Variants in HMCN2 observed in about 807,000 individuals in gnomAD.
The protein encoded by HMCN2 is hemicentin-2.
Under a neutral mutation model 377.5 loss-of-function variants are expected in HMCN2, and 325 were observed. That is an observed-to-expected ratio of 0.86 (90% CI 0.79 to 0.94). The LOEUF is 0.94. Among genes scored for constraint, HMCN2 ranks in the 40% least tolerant of loss-of-function variants. The pLI is 0.00. For missense variants in HMCN2, 4,543 were observed against 4,725.3 expected (o/e 0.96, Z 1.13); for synonymous variants, 2,007 against 2,046.8 (o/e 0.98, Z 0.53).
chr9:130,390,754 G>C (rs996439858), intron 62 of HMCN2, among the ~76,000 whole-genome samples: 13 of 152,158 alleles, frequency 8.5e-5, no homozygotes, highest in African/African-American at 2.7e-4. Flanking sequence ...GAGAGGATGG[G>C]AGCTGAGAGC....
chr9:130,355,136 G>A (rs892059242), intron 32 of HMCN2, 92 bp downstream of exon 32: 11 of 1,062,858 alleles, frequency 1.0e-5, no homozygotes, highest in Non-Finnish European at 1.3e-5. Flanking sequence ...TCCTGGAGTG[G>A]AGGGAGGGTG....
chr9:130,412,565 C>CTTT (rs1843481279), intron 85 of HMCN2, among the ~76,000 whole-genome samples: 2 of 43,396 alleles, frequency 4.6e-5, no homozygotes, highest in Admixed American at 3.3e-4. Flanking sequence ...TTCTTTCTTT[C>CTTT]TCTTTTTTTT....
rs769429027 is a variant in HMCN2 at position 130,385,662 on chromosome 9, A to G, written c.9209A>G (p.Glu3070Gly). Residue 3070 changes from glutamate to glycine, a missense_variant, in exon 60 of 98, where the codon GAG (glutamate) becomes GGG (glycine). By Grantham distance (98) the Glu-to-Gly change is moderately conservative. Coordinates refer to ENST00000683500, the MANE Select transcript of HMCN2 (RefSeq NM_001291815.2). ...VLSCETDALP[E>G]PTVTWYKDGQ... Reference sequence around the variant, plus strand: ...AGCTGCGAGACAGATGCGCTCCCTGAGCCAACTGTGACCTGGTACAAGGAT... The same window carrying G: ...AGCTGCGAGACAGATGCGCTCCCTGGGCCAACTGTGACCTGGTACAAGGAT... The G allele has an allele frequency of 7.7e-7, 1 of 1,304,158 alleles. No individual in the cohort carries two copies. The highest frequency in any genetic ancestry group is 1.2e-5 in the South Asian group (1 of 81,028). The allele number at this position is 1,304,158 out of a possible 1,614,324, so 80.8% of individuals were successfully genotyped here. A position where few individuals can be genotyped will look rare whatever the true frequency, so the allele number is the denominator to read the frequency against.
chr9:130,357,913 G>T lies in HMCN2; in HGVS notation c.5505G>T (p.Gly1835=), dbSNP rs1267224967. 7.7e-7 allele frequency: 1 copy of T among 1,304,078 alleles called. No homozygotes were observed. Among genetic ancestry groups the T allele is most frequent in the African/African-American group, 1.5e-5 (1 of 65,850 alleles). The allele number at this position is 1,304,078 out of a possible 1,614,324, so 80.8% of individuals were successfully genotyped here. ...AGCCTGTGACCCTCCAGTGCATAGG[G>T]GATGGGGTGCCCACCCCAAGCCTCC... is the stretch of plus-strand genomic sequence containing the variant. ...FLQPVTLQCI[G]DGVPTPSLRW... Residue 1835 remains glycine, a synonymous_variant, in exon 35 of 98, where the codon GGG becomes GGT. Transcript: ENST00000683500.
Position 130,303,519 on chromosome 9 carries a change from G to T in HMCN2, c.1454G>T (p.Arg485Leu). ...GGAAACAGCAGCTGGGAGATCCTGC[G>T]GGCCTCCAAGGCCGAGGAGGGCACG... is the stretch of plus-strand genomic sequence containing the variant. ...ESGNSSWEIL[R>L]ASKAEEGTYE... Residue 485 changes from arginine (R) to leucine (L), a missense_variant, in exon 10 of 98, where the codon CGG (arginine) becomes CTG (leucine). Arg to Leu is a moderately radical substitution (Grantham distance 102). Transcript: ENST00000683500. The surrounding 1 kb of genome is among the most constrained non-coding windows in gnomAD (Gnocchi z 5.2). 2.2e-6 allele frequency: 1 copy of T among 446,948 alleles called. No homozygotes were observed. The highest frequency in any genetic ancestry group is 1.6e-5 in the South Asian group (1 of 61,636). The allele number at this position is 446,948 out of a possible 1,614,324, so 27.7% of individuals were successfully genotyped here.
intron 8 of HMCN2, among the ~76,000 whole-genome samples, chr9:130,301,468 C>T (rs1406822960): frequency 2.0e-5 from 3 of 152,194 alleles, no homozygotes; most frequent in African/African-American, 4.8e-5. Context: ...GCTGGAATTT[C>T]GCCTTGTAGC....
Position 130,430,469 on chromosome 9 carries a change from C to T in HMCN2, c.14512C>T (p.Leu4838=), listed in dbSNP as rs939950289. 1.3e-6 allele frequency: 2 copies of T among 1,550,616 alleles called. No homozygotes were observed. Among genetic ancestry groups the T allele is most frequent in the Non-Finnish European group, 1.7e-6 (2 of 1,146,988 alleles). Residue 4838 remains leucine (L), a synonymous_variant, in exon 95 of 98, where the codon CTG becomes TTG. Coordinates refer to ENST00000683500, the MANE Select transcript of HMCN2 (RefSeq NM_001291815.2). ...VSHRGPLLPW[L]RPWASIPGTS... is the part of the protein sequence containing the mutation. ...CCACCGAGGCCCTCTATTGCCCTGG[C>T]TGCGGCCCTGGGCCTCGATCCCCGG...
rs1396878161 is a variant in HMCN2, at chr9:130,394,130, G to A, written c.10501+122G>A. On this transcript the variant is annotated intron_variant, in intron 68 of 97. Coordinates refer to ENST00000683500, the MANE Select transcript of HMCN2 (RefSeq NM_001291815.2). This position sits in a 1 kb window ranked among gnomAD's most constrained non-coding sequence, Gnocchi z 5.1. ...GGAGACCTGGGACTGCCACCTGGGA[G>A]CAGAACTCAGGGAACTTGGTTCTGG... 3.1e-6 allele frequency: 3 copies of A among 959,482 alleles called. No homozygotes were observed. The highest frequency in any genetic ancestry group is 4.1e-6 in the Non-Finnish European group (3 of 733,846). 59.4% of individuals were successfully genotyped at this position (959,482 alleles called of 1,614,324 possible). A position where few individuals can be genotyped will look rare whatever the true frequency, so the allele number is the denominator to read the frequency against.
At chr9:130,300,138 C>T (rs577174116) in intron 8 of HMCN2, among the ~76,000 whole-genome samples, 8 of 151,446 alleles carry the variant, frequency 5.3e-5, no homozygotes, top group African/African-American at 1.9e-4. Flanking sequence ...CATCCACTCA[C>T]CCATTCATGC....
chr9:130,393,327 G>T lies in HMCN2; in HGVS notation c.10234+18G>T. 1.0e-6 allele frequency: 1 copy of T among 990,392 alleles called. No individual in the cohort carries two copies. The allele number at this position is 990,392 out of a possible 1,614,324, so 61.4% of individuals were successfully genotyped here. ...GGTGCAGGGTATGGAGCAGGGGGTG[G>T]GGCAAGGGGGTCTCTGGCCTTGGTG... On this transcript the variant is annotated intron_variant, in intron 67 of 97. Transcript: ENST00000683500. This position sits in a 1 kb window ranked among gnomAD's most constrained non-coding sequence, Gnocchi z 5.2.
chr9:130,295,595 TG>T, intron 5 of HMCN2, 70 bp from the exon 6 acceptor site: 1 of 429,960 alleles, frequency 2.3e-6, no homozygotes. Context: ...TGTGGATTCC[TG>T]GAGACATGCG....
chr9:130,322,526 C>T (rs1837913490), intron 19 of HMCN2, among the ~76,000 whole-genome samples: 1 of 152,146 alleles, frequency 6.6e-6, no homozygotes, highest in African/African-American at 2.4e-5. Context: ...TCAGAGGCAT[C>T]AGTTTAATAA....
intron 36 of HMCN2, among the ~76,000 whole-genome samples, chr9:130,359,051 G>T (rs1840212534): frequency 6.6e-6 from 1 of 152,164 alleles, no homozygotes; most frequent in Admixed American, 6.5e-5. Flanking sequence ...CCTCGTCCTT[G>T]TCCCTTCCCC....
In HMCN2 at chr9:130,376,474, C is replaced by G. The variant is rs1433214889; in HGVS notation, c.7919-42C>G. The G allele has an allele frequency of 5.2e-6, 5 of 966,728 alleles. No homozygotes were observed. The African/African-American group carries it at 8.8e-5, about 17-fold the overall frequency. The allele number at this position is 966,728 out of a possible 1,614,324, so 59.9% of individuals were successfully genotyped here. A position where few individuals can be genotyped will look rare whatever the true frequency, so the allele number is the denominator to read the frequency against. On this transcript the variant is annotated intron_variant, in intron 51 of 97. Coordinates refer to ENST00000683500, the MANE Select transcript of HMCN2 (RefSeq NM_001291815.2). Reference sequence around the variant, plus strand: ...CCAGGGTAAGCTCAGGGTTTCAGCACCCATCCCCCAGCTCTGCTCTCAGAC... The same window carrying G: ...CCAGGGTAAGCTCAGGGTTTCAGCAGCCATCCCCCAGCTCTGCTCTCAGAC...
intron 4 of HMCN2, among the ~76,000 whole-genome samples, chr9:130,293,570 G>A (rs1304271621): frequency 2.0e-5 from 3 of 151,982 alleles, no homozygotes; most frequent in African/African-American, 4.8e-5. Context: ...CAAAGGAGGA[G>A]GTGTGAGCTG....
chr9:130,359,949 AG>A (rs1234042518), intron 37 of HMCN2, among the ~76,000 whole-genome samples: 1 of 152,130 alleles, frequency 6.6e-6, no homozygotes, highest in Non-Finnish European at 1.5e-5. Flanking sequence ...GGCAGGATGC[AG>A]GGAAGCTGCA....
At chr9:130,406,309 C>A in intron 82 of HMCN2, 141 bp downstream of exon 82, 1 of 634,400 alleles carries the variant, frequency 1.6e-6, no homozygotes, top group Non-Finnish European at 2.4e-6. Context: ...TCCAACGTGG[C>A]CCTATGTAGG....
rs1839748483 is a variant in HMCN2, at chr9:130,351,961, A to G, written c.4585+384A>G. 6.6e-6 allele frequency among the ~76,000 whole-genome samples: 1 copy of G among 151,934 alleles called. No individual in the cohort carries two copies. On this transcript the variant is annotated intron_variant, in intron 30 of 97. Coordinates refer to ENST00000683500, the MANE Select transcript of HMCN2 (RefSeq NM_001291815.2). The surrounding 1 kb of genome is among the most constrained non-coding windows in gnomAD (Gnocchi z 5.4). ...CGAGTAGCTGGGATTACAGGTGCCC[A>G]CCACCACACCCAGTTCATTTTTGTA...
In HMCN2 at chr9:130,428,345, G is replaced by A. The variant is rs1425513482; in HGVS notation, c.14066-13G>A. 6.5e-7 allele frequency: 1 copy of A among 1,541,202 alleles called. No individual in the cohort carries two copies. The highest frequency in any genetic ancestry group is 2.0e-5 in the Admixed American group (1 of 50,836). On this transcript the variant is annotated splice_polypyrimidine_tract_variant and intron_variant, in intron 92 of 97. Coordinates refer to ENST00000683500, the MANE Select transcript of HMCN2 (RefSeq NM_001291815.2). This position sits in a 1 kb window ranked among gnomAD's most constrained non-coding sequence, Gnocchi z 5.0. ...TCATGTTCACACAGCCGTCTGCCCT[G>A]ATCTGCCCCCAGATGTGGACGAGTG...
Sources: gnomAD v4.1 joint callset for allele counts (sites outside exome capture counted in the v4.1 genomes callset) on GRCh38, gnomAD v4.1.1 for gene constraint, Gnocchi (gnomAD v3.1) non-coding constraint, MANE v1.5 for transcripts, NCBI Gene and HGNC (gene_info 2026-07-23, HGNC 2026-07-21) for gene names.